The following FUT8 variants were observed in gnomAD, a reference collection of about 807,000 sequenced individuals.
FUT8 encodes the protein alpha-(1,6)-fucosyltransferase.
FUT8 carries 29 observed loss-of-function variants against 71.3 expected under a neutral mutation model. That is an observed-to-expected ratio of 0.41 (90% CI 0.30 to 0.55). FUT8 has a LOEUF of 0.55. Ranked by LOEUF, FUT8 falls within the 20% of genes least tolerant of loss-of-function variation. The pLI, the probability that FUT8 is intolerant of heterozygous loss-of-function variation, is 0.34. For missense variants in FUT8, 544 were observed against 702.1 expected, an observed-to-expected ratio of 0.77 and a Z score of 2.55; for synonymous variants, 254 against 239.3, an observed-to-expected ratio of 1.06 and a Z score of -0.57.
intron 2 of FUT8, among the ~76,000 whole-genome samples, chr14:65,462,340 T>G (rs1455520642): frequency 6.6e-6 from 1 of 152,224 alleles, no homozygotes; most frequent in Non-Finnish European, 1.5e-5. Context: ...TCAACTTGAA[T>G]AGTGTATTTG....
intron 2 of FUT8, among the ~76,000 whole-genome samples, chr14:65,459,942 T>A (rs940981343): frequency 1.3e-5 from 2 of 152,202 alleles, no homozygotes; most frequent in Non-Finnish European, 2.9e-5. Flanking sequence ...CATTTTACAA[T>A]GAAAATAGGA....
At chr14:65,691,311 A>G (rs1893575108) in intron 7 of FUT8, among the ~76,000 whole-genome samples, 1 of 150,964 alleles carries the variant, frequency 6.6e-6, no homozygotes. Context: ...GAATGGTGAG[A>G]GGGGCCATCC....
intron 7 of FUT8, among the ~76,000 whole-genome samples, chr14:65,690,664 G>A (rs906858066): frequency 1.3e-5 from 2 of 150,386 alleles, no homozygotes; most frequent in African/African-American, 2.4e-5. Flanking sequence ...TTGTGCTAAT[G>A]TAAATGGTGG....
chr14:65,549,499 T>TAC (rs1443010720), intron 2 of FUT8, among the ~76,000 whole-genome samples: 5 of 152,202 alleles, frequency 3.3e-5, no homozygotes, highest in Non-Finnish European at 7.3e-5. Context: ...ATTCTATATA[T>TAC]ACCCATGGTT....
At chr14:65,449,840 A>AG (rs1396442792) in intron 1 of FUT8, among the ~76,000 whole-genome samples, 1 of 152,244 alleles carries the variant, frequency 6.6e-6, no homozygotes, top group East Asian at 1.9e-4. Context: ...GAATGGCCTT[A>AG]GGACCATCAG....
chr14:65,358,394 C>A, the FUT8 span, among the ~76,000 whole-genome samples: 9 of 152,136 alleles, frequency 5.9e-5, no homozygotes, highest in Admixed American at 3.9e-4. Flanking sequence ...TTTTTAATAA[C>A]AATTATCACA....
rs570255164 is a variant in FUT8 at position 65,678,120 on chromosome 14, C to A, written c.835+8640C>A. Reference sequence around the variant, plus strand: ...ACAGTGGTTTATATATTCTAAATCACCATATGTTATTATTACCACTTTAGT... The same window carrying A: ...ACAGTGGTTTATATATTCTAAATCAACATATGTTATTATTACCACTTTAGT... On this transcript the variant is annotated intron_variant, in intron 7 of 10. Coordinates refer to ENST00000673929, the MANE Select transcript of FUT8 (RefSeq NM_001371533.1). 1.3e-4 allele frequency among the ~76,000 whole-genome samples: 20 copies of A among 152,248 alleles called. No homozygotes were observed. In the South Asian group the frequency reaches 2.7e-3, roughly 21 times the overall value.
chr14:65,630,278 TAGAA>T (rs1233534260), intron 6 of FUT8, among the ~76,000 whole-genome samples: 1 of 152,194 alleles, frequency 6.6e-6, no homozygotes, highest in Non-Finnish European at 1.5e-5. Context: ...TTATAACAAA[TAGAA>T]AGTATTGGTA....
chr14:65,613,777 G>T (rs1205593270), intron 3 of FUT8, among the ~76,000 whole-genome samples: 3 of 152,136 alleles, frequency 2.0e-5, no homozygotes, highest in Admixed American at 2.0e-4. Flanking sequence ...GAAAATGTTA[G>T]AGAAGCTATA....
Position 65,456,601 on chromosome 14 carries a change from A to C in FUT8, c.-228+883A>C, listed in dbSNP as rs1439206885. ...TGTTCTTTAAAAAATTTGGTGGGGC[A>C]TGGTGGCTCAAACCTGTAATCCCAG... On this transcript the variant is annotated intron_variant, in intron 2 of 10. Transcript: ENST00000673929. 3.9e-5 allele frequency among the ~76,000 whole-genome samples: 6 copies of C among 152,068 alleles called. No individual in the cohort carries two copies. The South Asian group carries it at 1.2e-3, about 32-fold the overall frequency.
chr14:65,433,786 TTCTCTCTCTCTC>T (rs71126744), intron 1 of FUT8, among the ~76,000 whole-genome samples: 108 of 144,972 alleles, frequency 7.4e-4, no homozygotes, highest in Middle Eastern at 3.5e-3. Context: ...CTTCTGTCTC[TTCTCTCTCTCTC>T]TCTCTCTCTC....
intron 2 of FUT8, among the ~76,000 whole-genome samples, chr14:65,502,507 G>A (rs2066662092): frequency 6.6e-6 from 1 of 152,132 alleles, no homozygotes; most frequent in Admixed American, 6.5e-5. Context: ...TTACAGGTGT[G>A]AGCCACCGTG....
intron 1 of FUT8, among the ~76,000 whole-genome samples, chr14:65,439,519 G>A (rs1042042616): frequency 3.3e-5 from 5 of 152,086 alleles, no homozygotes; most frequent in Non-Finnish European, 5.9e-5. Context: ...ACTCCTAAAT[G>A]TAAATAAATA....
intron 7 of FUT8, among the ~76,000 whole-genome samples, chr14:65,712,898 T>G (rs141711106): frequency 0.013 from 1,921 of 152,304 alleles, 24 homozygotes; most frequent in Non-Finnish European, 0.02. Context: ...CATTTATCCT[T>G]TATGTTACAA....
In FUT8 at chr14:65,733,358, C is replaced by T. The variant is rs1451725373; in HGVS notation, c.1387C>T (p.Leu463=). The part of the protein sequence containing the change: ...DIHFLSQADF[L]VCTFSSQVCR... The stretch of plus-strand genomic sequence containing the variant: ...ACATTTTCTCTCTCAGGCAGACTTC[C>T]TAGTGTGTACTTTTTCATCCCAGGT... The change falls in exon 10 of 11, where the codon CTA becomes TTA. Residue 463 remains leucine, a synonymous_variant. Transcript: ENST00000673929. 3 of 1,591,064 alleles carry T rather than the reference C, an allele frequency of 1.9e-6. No homozygotes were observed. Among genetic ancestry groups the T allele is most frequent in the Middle Eastern group, 1.7e-4 (1 of 6,012 alleles).
intron 3 of FUT8, among the ~76,000 whole-genome samples, chr14:65,595,373 TATTTG>T (rs1887909061): frequency 1.3e-5 from 2 of 152,166 alleles, no homozygotes; most frequent in African/African-American, 4.8e-5. Context: ...TAGCATTTCT[TATTTG>T]AGGTGAAATT....
chr14:65,710,090 C>T (rs1489748119), intron 7 of FUT8, among the ~76,000 whole-genome samples: 1 of 152,098 alleles, frequency 6.6e-6, no homozygotes, highest in African/African-American at 2.4e-5. Flanking sequence ...AATAATCTCC[C>T]TTTTTAACCG....
chr14:65,399,363 C>T, the FUT8 span, among the ~76,000 whole-genome samples: 21 of 152,224 alleles, frequency 1.4e-4, no homozygotes, highest in South Asian at 4.4e-3. Flanking sequence ...CTCAGACAAT[C>T]AAAACAGACC....
Position 65,550,426 on chromosome 14 carries a change from A to G in FUT8, c.-227-10911A>G, listed in dbSNP as rs1031761224. 2.0e-5 allele frequency among the ~76,000 whole-genome samples: 3 copies of G among 152,182 alleles called. No homozygotes were observed. The highest frequency in any genetic ancestry group is 4.4e-5 in the Non-Finnish European group (3 of 68,014). On this transcript the variant is annotated intron_variant, in intron 2 of 10. Transcript: ENST00000673929. This position sits in a 1 kb window ranked among gnomAD's most constrained non-coding sequence, Gnocchi z 4.5. ...GGACAAAATCATTTAACACAAAACT[A>G]TTTTGTAATGAAGTGTTGAATATTT...
Sources: gnomAD v4.1 joint callset for allele counts (sites outside exome capture counted in the v4.1 genomes callset) on GRCh38, gnomAD v4.1.1 for gene constraint, Gnocchi (gnomAD v3.1) non-coding constraint, MANE v1.5 for transcripts, NCBI Gene and HGNC (gene_info 2026-07-23, HGNC 2026-07-21) for gene names.